The following PKDCC variants were observed in gnomAD, a reference collection of about 807,000 sequenced individuals.
PKDCC encodes the protein protein kinase domain containing, cytoplasmic.
In PKDCC, 35 loss-of-function variants were observed where a neutral mutation model predicts 44.7. That is an observed-to-expected ratio of 0.78 (90% CI 0.60 to 1.04). The LOEUF (loss-of-function observed/expected upper bound fraction) is 1.04, where lower values mean the gene tolerates loss of function less well. Ranked by LOEUF, PKDCC falls within the 50% of genes least tolerant of loss-of-function variation. The probability of loss-of-function intolerance (pLI) is 0.00; values close to 1 mark genes in which losing one functional copy is unlikely to be tolerated. For missense variants in PKDCC, 738 were observed against 672.7 expected, an observed-to-expected ratio of 1.10 and a Z score of -1.07; for synonymous variants, 353 against 303.3, an observed-to-expected ratio of 1.16 and a Z score of -1.70.
chr2:42,051,282 CT>C lies in PKDCC; in HGVS notation c.640-1956del, dbSNP rs2103925463. On this transcript the variant is annotated intron_variant, in intron 1 of 6. Transcript: ENST00000294964. This position sits in a 1 kb window ranked among gnomAD's most constrained non-coding sequence, Gnocchi z 4.2. ...CACTCCCTCACGTGACTTGACTCCTCTATAGCCCAGGGCCAAAGGGCACAAG... is the reference window on the plus strand; with the variant it reads ...CACTCCCTCACGTGACTTGACTCCTCATAGCCCAGGGCCAAAGGGCACAAG... Among the ~76,000 whole-genome samples the C allele has an allele frequency of 6.6e-6, 1 of 151,774 alleles. No homozygotes were observed. Among genetic ancestry groups the C allele is most frequent in the African/African-American group, 2.4e-5 (1 of 41,418 alleles).
At position 42,054,243 on chromosome 2, in the gene PKDCC, C is replaced by G. The variant is rs1482838398; in HGVS notation, c.970C>G (p.Pro324Ala). ...LEFPARNFTLPCSAQGWCEGM... is the reference protein window; with the variant it reads ...LEFPARNFTLACSAQGWCEGM... ...GTTTCCGGCCAGGAACTTCACCCTG[C>G]CCTGCTCAGCCCAGGGCTGGTGCGA... Residue 324 changes from proline (P) to alanine (A), a missense_variant, in exon 3 of 7, where the codon CCC becomes GCC. Transcript: ENST00000294964. The surrounding 1 kb of genome is among the most constrained non-coding windows in gnomAD (Gnocchi z 6.1). 1 of 1,604,430 alleles carries G rather than the reference C, an allele frequency of 6.2e-7. No homozygotes were observed. The highest frequency in any genetic ancestry group is 1.1e-5 in the South Asian group (1 of 89,614).
intron 1 of PKDCC, among the ~76,000 whole-genome samples, chr2:42,049,959 A>G (rs1263762812): frequency 6.6e-6 from 1 of 152,202 alleles, no homozygotes; most frequent in African/African-American, 2.4e-5. Flanking sequence ...CCCAGCAGAA[A>G]TGACTGGAAA....
At chr2:42,053,387 C>G (rs1164673149) in intron 2 of PKDCC, 26 bp downstream of exon 2, 4 of 1,592,784 alleles carry the variant, frequency 2.5e-6, no homozygotes, top group Middle Eastern at 3.4e-4. Context: ...GGCTCGGGCC[C>G]TGGGCTCCTT....
Position 42,048,295 on chromosome 2 carries a change from T to C in PKDCC, c.96T>C (p.Pro32=). 1 of 1,260,838 alleles carries C rather than the reference T, an allele frequency of 7.9e-7. No homozygotes were observed. The allele number at this position is 1,260,838 out of a possible 1,614,324, so 78.1% of individuals were successfully genotyped here. A position where few individuals can be genotyped will look rare whatever the true frequency, so the allele number is the denominator to read the frequency against. Residue 32 remains proline (P), a synonymous_variant, in exon 1 of 7, where the codon CCT becomes CCC. Coordinates refer to ENST00000294964, the MANE Select transcript of PKDCC (RefSeq NM_138370.3). This position sits in a 1 kb window ranked among gnomAD's most constrained non-coding sequence, Gnocchi z 6.2. Reference sequence around the variant, plus strand: ...TGCTCTTCGCTCCGGGCTCGGAGCCTCCGAGGCCAGGCCAGTCCCCTGAGC... The same window carrying C: ...TGCTCTTCGCTCCGGGCTCGGAGCCCCCGAGGCCAGGCCAGTCCCCTGAGC... ...LNVLFAPGSE[P]PRPGQSPEPS...
chr2:42,057,375 C>A lies in PKDCC; in HGVS notation c.1377C>A (p.Thr459=). 6.2e-7 allele frequency: 1 copy of A among 1,614,182 alleles called. No homozygotes were observed. The highest frequency in any genetic ancestry group is 8.5e-7 in the Non-Finnish European group (1 of 1,180,044). Residue 459 remains threonine, a synonymous_variant, in exon 6 of 7, where the codon ACC becomes ACA. Transcript: ENST00000294964. Reference sequence around the variant, plus strand: ...CCCAGTGTCGGGCCTTTGTGGTCACCAACCAGACCACCTGGACAGGTGAGC... The same window carrying A: ...CCCAGTGTCGGGCCTTTGTGGTCACAAACCAGACCACCTGGACAGGTGAGC... ...SHAQCRAFVV[T]NQTTWTGRQL...
chr2:42,048,576 CGGGCCCGCGCCT>C lies in PKDCC; in HGVS notation c.382_393del (p.Pro128_Gly131del). 1 of 1,383,216 alleles carries C rather than the reference CGGGCCCGCGCCT, an allele frequency of 7.2e-7. No individual in the cohort carries two copies. Among genetic ancestry groups the C allele is most frequent in the Non-Finnish European group, 9.4e-7 (1 of 1,067,700 alleles). The allele number at this position is 1,383,216 out of a possible 1,614,324, so 85.7% of individuals were successfully genotyped here. A position where few individuals can be genotyped will look rare whatever the true frequency, so the allele number is the denominator to read the frequency against. On this transcript the variant is annotated inframe_deletion, in exon 1 of 7. Transcript: ENST00000294964. This position sits in a 1 kb window ranked among gnomAD's most constrained non-coding sequence, Gnocchi z 6.2. ...GCTCCCGGCCCAGGCTCCCCCGGCC[CGGGCCCGCGCCT>C]GGGCTGCGCCGCGCTTCGCAACGTG...
chr2:42,053,449 C>T (rs1435888158), intron 2 of PKDCC, 88 bp downstream of exon 2: 1 of 1,487,598 alleles, frequency 6.7e-7, no homozygotes, highest in Non-Finnish European at 9.0e-7. Context: ...GCTCCCACTC[C>T]TCCTCCACCC....
intron 2 of PKDCC, among the ~76,000 whole-genome samples, chr2:42,053,791 G>A (rs1432277753): frequency 1.3e-5 from 2 of 152,098 alleles, no homozygotes; most frequent in African/African-American, 4.8e-5. Context: ...CCAGACCCTC[G>A]CTGCTGCAGT....
At position 42,055,575 on chromosome 2, in the gene PKDCC, G is replaced by T. The variant is rs1180015404; in HGVS notation, c.1222+182G>T. On this transcript the variant is annotated intron_variant, in intron 5 of 6. Transcript: ENST00000294964. This position sits in a 1 kb window ranked among gnomAD's most constrained non-coding sequence, Gnocchi z 4.5. ...GGACTAATTTGAGGTTCCATCTCTA[G>T]CTGAGCTAGAGCAACTATAATTCTG... 11 of 595,370 alleles carry T rather than the reference G, an allele frequency of 1.8e-5. No individual in the cohort carries two copies. Among genetic ancestry groups the T allele is most frequent in the African/African-American group, 3.7e-5 (2 of 53,626 alleles). 36.9% of individuals were successfully genotyped at this position (595,370 alleles called of 1,614,324 possible). A position where few individuals can be genotyped will look rare whatever the true frequency, so the allele number is the denominator to read the frequency against.
rs546432337 is a variant in PKDCC, at chr2:42,055,630, C to G, written c.1222+237C>G. ...CAACCTGGGGTTGGGCACTGATACC[C>G]CTACTCTGGATGGCTCCAAACCCTA... On this transcript the variant is annotated intron_variant, in intron 5 of 6. Transcript: ENST00000294964. This position sits in a 1 kb window ranked among gnomAD's most constrained non-coding sequence, Gnocchi z 4.5. The G allele has an allele frequency of 9.0e-4, 475 of 527,290 alleles. 2 individuals are homozygous for G. Among genetic ancestry groups the G allele is most frequent in the African/African-American group, 7.9e-3 (415 of 52,274 alleles). The allele number at this position is 527,290 out of a possible 1,614,324, so 32.7% of individuals were successfully genotyped here.
Position 42,048,120 on chromosome 2 carries a change from G to T in PKDCC, c.-80G>T. 1 of 850,908 alleles carries T rather than the reference G, an allele frequency of 1.2e-6. No homozygotes were observed. Among genetic ancestry groups the T allele is most frequent in the Non-Finnish European group, 1.4e-6 (1 of 709,780 alleles). 52.7% of individuals were successfully genotyped at this position (850,908 alleles called of 1,614,324 possible). On this transcript the variant is annotated 5_prime_UTR_variant, in exon 1 of 7. Coordinates refer to ENST00000294964, the MANE Select transcript of PKDCC (RefSeq NM_138370.3). The surrounding 1 kb of genome is among the most constrained non-coding windows in gnomAD (Gnocchi z 6.2). ...GCAGGGGGCCGGCGGGGCGCAGAGC[G>T]GAGCCGCCTCGGAGCCTGAGCCGCC...
chr2:42,057,902 C>G lies in PKDCC; in HGVS notation c.*214C>G. The G allele has an allele frequency of 1.7e-6, 1 of 573,038 alleles. No individual in the cohort carries two copies. Among genetic ancestry groups the G allele is most frequent in the East Asian group, 2.9e-5 (1 of 34,008 alleles). 35.5% of individuals were successfully genotyped at this position (573,038 alleles called of 1,614,324 possible). A position where few individuals can be genotyped will look rare whatever the true frequency, so the allele number is the denominator to read the frequency against. On this transcript the variant is annotated 3_prime_UTR_variant, in exon 7 of 7. Coordinates refer to ENST00000294964, the MANE Select transcript of PKDCC (RefSeq NM_138370.3). ...AGCCTAGCTATGGGACTGCTGGCTC[C>G]TAGTCCAGGAATCATGGGGGTATGA...
Position 42,048,648 on chromosome 2 carries a change from A to G in PKDCC, c.449A>G (p.Lys150Arg). 1 of 1,544,620 alleles carries G rather than the reference A, an allele frequency of 6.5e-7. No individual in the cohort carries two copies. Among genetic ancestry groups the G allele is most frequent in the African/African-American group, 1.4e-5 (1 of 73,038 alleles). ...CAGTACATGGGCTCAGGCTACACCA[A>G]GGCCGTGTACCGGGTCCGCCTGCCC... ...GAQYMGSGYT[K>R]AVYRVRLPGG... Residue 150 changes from lysine (K) to arginine (R), a missense_variant, in exon 1 of 7, where the codon AAG (lysine) becomes AGG (arginine). Transcript: ENST00000294964. The surrounding 1 kb of genome is among the most constrained non-coding windows in gnomAD (Gnocchi z 6.2).
In PKDCC at chr2:42,054,028, C is replaced by T. The variant is rs1190034024; in HGVS notation, c.763-8C>T. The T allele has an allele frequency of 3.1e-6, 5 of 1,606,522 alleles. No individual in the cohort carries two copies. Among genetic ancestry groups the T allele is most frequent in the Non-Finnish European group, 4.3e-6 (5 of 1,175,998 alleles). On this transcript the variant is annotated splice_region_variant and splice_polypyrimidine_tract_variant and intron_variant, in intron 2 of 6. Transcript: ENST00000294964. This position sits in a 1 kb window ranked among gnomAD's most constrained non-coding sequence, Gnocchi z 6.1. Reference sequence around the variant, plus strand: ...AAGCAGTGAGCAGTCTTTTCTTGTGCCCCTCAGATCTGCCTGAGCCTGGGC... The same window carrying T: ...AAGCAGTGAGCAGTCTTTTCTTGTGTCCCTCAGATCTGCCTGAGCCTGGGC...
chr2:42,048,816 T>C lies in PKDCC; in HGVS notation c.617T>C (p.Leu206Pro). Reference sequence around the variant, plus strand: ...AAGGAGATGGTGCTGCTGGAGCGGCTGCGGCACCCCAACGTGCTGCAGGTA... The same window carrying C: ...AAGGAGATGGTGCTGCTGGAGCGGCCGCGGCACCCCAACGTGCTGCAGGTA... ...LLKEMVLLER[L>P]RHPNVLQLYG... is the part of the protein sequence containing the mutation. Residue 206 changes from leucine (L) to proline (P), a missense_variant, in exon 1 of 7, where the codon CTG becomes CCG. Physicochemically the swap from Leu to Pro is moderately conservative, Grantham distance 98. Coordinates refer to ENST00000294964, the MANE Select transcript of PKDCC (RefSeq NM_138370.3). This position sits in a 1 kb window ranked among gnomAD's most constrained non-coding sequence, Gnocchi z 6.2. The C allele has an allele frequency of 6.8e-7, 1 of 1,472,308 alleles. No individual in the cohort carries two copies. The allele number at this position is 1,472,308 out of a possible 1,614,324, so 91.2% of individuals were successfully genotyped here.
Position 42,055,085 on chromosome 2 carries a change from G to T in PKDCC, c.1114+65G>T. ...CCACCCCCACCCGCCAGCAAAAGTG[G>T]GGAGAAAAATAACCCAGGGCAGCAG... On this transcript the variant is annotated intron_variant, in intron 4 of 6. Transcript: ENST00000294964. The surrounding 1 kb of genome is among the most constrained non-coding windows in gnomAD (Gnocchi z 4.5). 6.5e-7 allele frequency: 1 copy of T among 1,530,096 alleles called. No individual in the cohort carries two copies. Among genetic ancestry groups the T allele is most frequent in the East Asian group, 2.3e-5 (1 of 44,240 alleles). The allele number at this position is 1,530,096 out of a possible 1,614,324, so 94.8% of individuals were successfully genotyped here.
Position 42,051,587 on chromosome 2 carries a change from G to A in PKDCC, c.640-1652G>A, listed in dbSNP as rs964837032. Among the ~76,000 whole-genome samples, 2 of 152,142 alleles carry A rather than the reference G, an allele frequency of 1.3e-5. No individual in the cohort carries two copies. The highest frequency in any genetic ancestry group is 4.8e-5 in the African/African-American group (2 of 41,414). On this transcript the variant is annotated intron_variant, in intron 1 of 6. Transcript: ENST00000294964. This position sits in a 1 kb window ranked among gnomAD's most constrained non-coding sequence, Gnocchi z 4.2. Reference sequence around the variant, plus strand: ...TCCGGGTGTTTAATAACCTTCAGAAGTTTCCCACAAAGGCTCAGACTCTGG... The same window carrying A: ...TCCGGGTGTTTAATAACCTTCAGAAATTTCCCACAAAGGCTCAGACTCTGG...
Position 42,052,486 on chromosome 2 carries a change from C to T in PKDCC, c.640-753C>T, listed in dbSNP as rs1412696636. 6.6e-6 allele frequency among the ~76,000 whole-genome samples: 1 copy of T among 152,170 alleles called. No individual in the cohort carries two copies. The highest frequency in any genetic ancestry group is 1.5e-5 in the Non-Finnish European group (1 of 68,020). ...GATTGTGGCCGGGCGCAGTGGCTCA[C>T]GCCTGTAATCCCAACATTTTGGGAG... On this transcript the variant is annotated intron_variant, in intron 1 of 6. Coordinates refer to ENST00000294964, the MANE Select transcript of PKDCC (RefSeq NM_138370.3). The surrounding 1 kb of genome is among the most constrained non-coding windows in gnomAD (Gnocchi z 4.3).
At chr2:42,053,212 T>G in intron 1 of PKDCC, 27 bp from the exon 2 acceptor site, 1 of 1,001,796 alleles carries the variant, frequency 1.0e-6, no homozygotes, top group Non-Finnish European at 1.4e-6. Flanking sequence ...CCCTGTGACC[T>G]AATGACCTGC....
Sources: gnomAD v4.1 joint callset for allele counts (sites outside exome capture counted in the v4.1 genomes callset) on GRCh38, gnomAD v4.1.1 for gene constraint, Gnocchi (gnomAD v3.1) non-coding constraint, MANE v1.5 for transcripts, NCBI Gene and HGNC (gene_info 2026-07-23, HGNC 2026-07-21) for gene names.